RGS8: variants seen among roughly 807,000 people sequenced by gnomAD.
RGS8 encodes regulator of G protein signaling 8, also known as regulator of G-protein signaling 8.
RGS8 carries 8 observed loss-of-function variants against 21.7 expected under a neutral mutation model. The ratio of observed to expected loss-of-function variants is 0.37; its 90% CI spans 0.22 to 0.66. The LOEUF is 0.66. Ranked by LOEUF, RGS8 falls within the 30% of genes least tolerant of loss-of-function variation. RGS8 has a pLI of 0.59. For synonymous variants in RGS8, 80 were observed against 83.6 expected, an observed-to-expected ratio of 0.96 and a Z score of 0.24; for missense variants, 157 against 217.9, an observed-to-expected ratio of 0.72 and a Z score of 1.76.
chr1:182,677,784 A>C (rs1327005043), upstream of RGS8, among the ~76,000 whole-genome samples: 1 of 152,204 alleles, frequency 6.6e-6, no homozygotes, highest in African/African-American at 2.4e-5. Context: ...GAAATTTCAA[A>C]GTTAAATTTT....
At chr1:182,747,376 T>C in the RGS8 span, among the ~76,000 whole-genome samples, 1 of 152,168 alleles carries the variant, frequency 6.6e-6, no homozygotes, top group Non-Finnish European at 1.5e-5. Flanking sequence ...GTGCTTCCCA[T>C]TTAAAGATGC....
At chr1:182,701,269 A>G in the RGS8 span, among the ~76,000 whole-genome samples, 1 of 152,364 alleles carries the variant, frequency 6.6e-6, no homozygotes, top group South Asian at 2.1e-4. Context: ...CAGGCATCAG[A>G]TGACTTCTGT....
At chr1:182,676,813 C>T (rs898406382), upstream of RGS8, among the ~76,000 whole-genome samples, 2 of 152,204 alleles carry the variant, frequency 1.3e-5, no homozygotes, top group Non-Finnish European at 2.9e-5. Context: ...CTCCATGACA[C>T]TAACTACTTC....
At chr1:182,720,987 ATATATATGTGTG>A in the RGS8 span, among the ~76,000 whole-genome samples, 1 of 82,832 alleles carries the variant, frequency 1.2e-5, no homozygotes, top group Non-Finnish European at 2.6e-5. Context: ...ATATATACAC[ATATATATGTGTG>A]TATATATACA....
chr1:182,669,950 A>G (rs1160177538), intron 2 of RGS8, among the ~76,000 whole-genome samples, 198 bp from the exon 4 acceptor site: 1 of 152,196 alleles, frequency 6.6e-6, no homozygotes, highest in African/African-American at 2.4e-5. Flanking sequence ...CATGTTGTTG[A>G]TTATTGGTTA....
the RGS8 span, among the ~76,000 whole-genome samples, chr1:182,740,882 TA>T: frequency 1.3e-5 from 2 of 152,036 alleles, no homozygotes; most frequent in East Asian, 3.9e-4. Context: ...TAAGGTCACC[TA>T]TCAACAGGAT....
the RGS8 span, among the ~76,000 whole-genome samples, chr1:182,725,270 C>A: frequency 6.6e-6 from 1 of 152,160 alleles, no homozygotes; most frequent in Non-Finnish European, 1.5e-5. Flanking sequence ...CAATGCCCCC[C>A]AACCCTGATA....
chr1:182,742,139 T>C, the RGS8 span, among the ~76,000 whole-genome samples: 2 of 128,156 alleles, frequency 1.6e-5, no homozygotes, highest in Non-Finnish European at 3.3e-5. Flanking sequence ...TCTCAGACGA[T>C]GGGCGGCCGG....
Sources: allele counts gnomAD v4.1 joint callset (sites outside exome capture counted in the v4.1 genomes callset), GRCh38; gene constraint gnomAD v4.1.1; transcripts MANE v1.5; gene names NCBI Gene and HGNC (gene_info 2026-07-23, HGNC 2026-07-21).